GABBR2: variants seen among roughly 807,000 people sequenced by gnomAD.
GABBR2 encodes the protein gamma-aminobutyric acid type B receptor subunit 2.
A neutral mutation model predicts 105.6 loss-of-function variants in GABBR2; 23 were observed. That is an observed-to-expected ratio of 0.22 (90% confidence interval 0.16 to 0.31). The LOEUF (loss-of-function observed/expected upper bound fraction) is 0.31. Among genes scored for constraint, GABBR2 ranks in the 10% least tolerant of loss-of-function variants. GABBR2 has a pLI of 1.00. For missense variants in GABBR2, 734 were observed against 1,245.5 expected, an observed-to-expected ratio of 0.59 and a Z score of 6.18; for synonymous variants, 478 against 499.7, an observed-to-expected ratio of 0.96 and a Z score of 0.58.
In GABBR2 at chr9:98,380,990, A is replaced by G. The variant is rs563180299; in HGVS notation, c.1662+4650T>C. Among the ~76,000 whole-genome samples the G allele has an allele frequency of 4.6e-5, 7 of 152,346 alleles. No individual in the cohort carries two copies. In the South Asian group the frequency reaches 1.4e-3, roughly 32 times the overall value. ...ACAGAACTGTGACTTCGGCTGCGCC[A>G]TGTCTGAACCTGGTCTCATGGTCTA... is the stretch of plus-strand genomic sequence containing the variant. On this transcript the variant is annotated intron_variant, in intron 11 of 18. Transcript: ENST00000259455.
At chr9:98,419,099 G>A (rs1479784962) in intron 7 of GABBR2, among the ~76,000 whole-genome samples, 4 of 152,002 alleles carry the variant, frequency 2.6e-5, no homozygotes, top group Admixed American at 1.3e-4. Flanking sequence ...AGATTGGCCC[G>A]GGGGGGCGGT....
intron 7 of GABBR2, among the ~76,000 whole-genome samples, chr9:98,407,437 T>C (rs1041443440): frequency 1.3e-5 from 2 of 152,166 alleles, no homozygotes; most frequent in African/African-American, 4.8e-5. Context: ...TTGAAACTAA[T>C]GCCCACCGAA....
At chr9:98,394,282 GT>G in intron 8 of GABBR2, 27 bp from the exon 9 acceptor site, 1 of 1,532,632 alleles carries the variant, frequency 6.5e-7, no homozygotes, top group Non-Finnish European at 9.0e-7. Context: ...ACAGTGGCCA[GT>G]TAGACTGGGA....
chr9:98,684,277 G>T (rs1215466701), intron 1 of GABBR2, among the ~76,000 whole-genome samples: 1 of 149,960 alleles, frequency 6.7e-6, no homozygotes, highest in Non-Finnish European at 1.5e-5. Flanking sequence ...AATCACCATG[G>T]TATCAACAGT....
At chr9:98,458,660 G>T (rs1441220947) in intron 6 of GABBR2, among the ~76,000 whole-genome samples, 1 of 152,192 alleles carries the variant, frequency 6.6e-6, no homozygotes, top group African/African-American at 2.4e-5. Flanking sequence ...AGCCGAGATT[G>T]CATCATTGCA....
At chr9:98,633,953 G>A (rs1419440026) in intron 1 of GABBR2, among the ~76,000 whole-genome samples, 8 of 152,182 alleles carry the variant, frequency 5.3e-5, no homozygotes, top group Admixed American at 4.6e-4. Flanking sequence ...CGGCTTCAGT[G>A]CACAGCCACT....
intron 1 of GABBR2, among the ~76,000 whole-genome samples, chr9:98,600,613 A>G (rs768090631): frequency 1.3e-5 from 2 of 152,246 alleles, no homozygotes; most frequent in Non-Finnish European, 2.9e-5. Flanking sequence ...AGGGCTCAGT[A>G]AACATCAGCT....
chr9:98,471,334 A>G (rs980021668), intron 6 of GABBR2, among the ~76,000 whole-genome samples: 4 of 152,202 alleles, frequency 2.6e-5, no homozygotes, highest in Admixed American at 2.6e-4. Context: ...TGTGAGGTGA[A>G]CAGTCCCAAG....
chr9:98,356,623 A>G lies in GABBR2; in HGVS notation c.1893+6092T>C, dbSNP rs80187219. The stretch of plus-strand genomic sequence containing the variant: ...TTGGTAGTTTCTTACAAAACTAAAC[A>G]TCCTCTTACCATATAATCATAACTT... On this transcript the variant is annotated intron_variant, in intron 13 of 18. Coordinates refer to ENST00000259455, the MANE Select transcript of GABBR2 (RefSeq NM_005458.8). Among the ~76,000 whole-genome samples the G allele has an allele frequency of 4.1e-4, 63 of 152,328 alleles. 2 individuals are homozygous for G. In the East Asian group the frequency reaches 0.01, roughly 24 times the overall value.
chr9:98,630,959 C>T (rs1829808948), intron 1 of GABBR2, among the ~76,000 whole-genome samples: 1 of 152,136 alleles, frequency 6.6e-6, no homozygotes, highest in South Asian at 2.1e-4. Context: ...ACTCACTAGC[C>T]ACACGTGGCT....
intron 1 of GABBR2, among the ~76,000 whole-genome samples, chr9:98,624,044 T>C (rs1829702339): frequency 6.6e-6 from 1 of 152,212 alleles, no homozygotes; most frequent in South Asian, 2.1e-4. Context: ...GCCCTCCGTC[T>C]GTCCTGTGAG....
intron 1 of GABBR2, 140 bp downstream of exon 1, chr9:98,708,277 T>A: frequency 4.0e-6 from 3 of 753,100 alleles, no homozygotes; most frequent in Non-Finnish European, 5.4e-6. Context: ...GGGTGAACAC[T>A]GGGCACCAGC....
chr9:98,374,101 C>T (rs1444121447), intron 11 of GABBR2, among the ~76,000 whole-genome samples: 6 of 152,080 alleles, frequency 3.9e-5, no homozygotes, highest in Non-Finnish European at 8.8e-5. Flanking sequence ...TCAAGTGATC[C>T]TCCTGCCTCG....
intron 1 of GABBR2, among the ~76,000 whole-genome samples, chr9:98,645,894 G>A (rs1830023011): frequency 2.0e-5 from 3 of 152,134 alleles, no homozygotes; most frequent in South Asian, 2.1e-4. Flanking sequence ...AGTTCTATGA[G>A]GTAAGTACCA....
intron 1 of GABBR2, among the ~76,000 whole-genome samples, chr9:98,663,530 G>T (rs1195830793): frequency 2.0e-5 from 3 of 152,040 alleles, no homozygotes; most frequent in African/African-American, 4.8e-5. Context: ...CTAGGAAGAC[G>T]TTTAACAGAA....
intron 1 of GABBR2, among the ~76,000 whole-genome samples, chr9:98,612,333 A>G (rs952067932): frequency 1.3e-5 from 2 of 152,216 alleles, no homozygotes; most frequent in Admixed American, 6.5e-5. Flanking sequence ...TTTCAAAGCC[A>G]GGGCTATGCT....
intron 1 of GABBR2, among the ~76,000 whole-genome samples, chr9:98,644,166 T>G (rs769512518): frequency 9.9e-5 from 15 of 152,208 alleles, no homozygotes; most frequent in Non-Finnish European, 2.1e-4. Context: ...AGATGGTGTC[T>G]ACACAGATAG....
At chr9:98,315,954 G>A (rs934228846) in intron 13 of GABBR2, among the ~76,000 whole-genome samples, 12 of 152,202 alleles carry the variant, frequency 7.9e-5, no homozygotes, top group Admixed American at 2.0e-4. Flanking sequence ...CTATACTTGG[G>A]CACTGCACTC....
At chr9:98,481,601 C>G (rs1826924094) in intron 4 of GABBR2, among the ~76,000 whole-genome samples, 1 of 152,172 alleles carries the variant, frequency 6.6e-6, no homozygotes, top group Non-Finnish European at 1.5e-5. Context: ...CTCAGCTCTA[C>G]CAACAAACCA....
Sources: gnomAD v4.1 joint callset for allele counts (sites outside exome capture counted in the v4.1 genomes callset) on GRCh38, gnomAD v4.1.1 for gene constraint, MANE v1.5 for transcripts, NCBI Gene and HGNC (gene_info 2026-07-23, HGNC 2026-07-21) for gene names.